SPPL2B: variants seen among roughly 807,000 people sequenced by gnomAD.
The protein encoded by SPPL2B is signal peptide peptidase like 2B.
Under a neutral mutation model 59.7 loss-of-function variants are expected in SPPL2B, and 39 were observed. The observed-to-expected ratio is 0.65, with a 90% CI of 0.51 to 0.85. SPPL2B has a LOEUF of 0.85. Ranked by LOEUF, SPPL2B falls within the 40% of genes least tolerant of loss-of-function variation. SPPL2B has a pLI of 0.00. For missense variants in SPPL2B, 865 were observed against 849.0 expected (o/e 1.02, Z -0.23); for synonymous variants, 419 against 370.8 (o/e 1.13, Z -1.49).
intron 1 of SPPL2B, among the ~76,000 whole-genome samples, chr19:2,330,021 A>C (rs1968197175): frequency 6.6e-6 from 1 of 152,044 alleles, no homozygotes; most frequent in Non-Finnish European, 1.5e-5. Flanking sequence ...GACATTTGGA[A>C]GGAGGGGGAA....
chr19:2,328,907 G>C (rs1432602957), intron 1 of SPPL2B, 132 bp downstream of exon 1: 8 of 793,550 alleles, frequency 1.0e-5, no homozygotes, highest in African/African-American at 5.5e-5. Context: ...CCGTCCCCGC[G>C]TTGTCGGCCG....
intron 8 of SPPL2B, chr19:2,341,246 C>G (rs1969029902): frequency 3.0e-6 from 2 of 675,032 alleles, no homozygotes; most frequent in Non-Finnish European, 5.4e-6. Flanking sequence ...GGAGGAGAGG[C>G]CGGAGCCCCT....
chr19:2,337,222 G>A, intron 2 of SPPL2B: 2 of 458,162 alleles, frequency 4.4e-6, no homozygotes, highest in Admixed American at 4.0e-5. Context: ...TGTCTGTGAG[G>A]ACTCCGGCCC....
chr19:2,340,238 G>A (rs1377422702), intron 7 of SPPL2B, 66 bp downstream of exon 7: 10 of 1,198,180 alleles, frequency 8.3e-6, no homozygotes, highest in African/African-American at 4.6e-5. Flanking sequence ...CCCCTTTGCC[G>A]CCCCATAGCC....
In SPPL2B at chr19:2,351,609, G is replaced by T; in HGVS notation, c.1515+15G>T. ...GCGGCTTTGCGGTGAATACCAGTTTGCTCTGACTGTGAGAAATACTCGCCT... is the reference window on the plus strand; with the variant it reads ...GCGGCTTTGCGGTGAATACCAGTTTTCTCTGACTGTGAGAAATACTCGCCT... On this transcript the variant is annotated intron_variant, in intron 14 of 14. Coordinates refer to ENST00000613503, the MANE Select transcript of SPPL2B (RefSeq NM_152988.3). 1.9e-6 allele frequency: 3 copies of T among 1,596,386 alleles called. No homozygotes were observed. Among genetic ancestry groups the T allele is most frequent in the Non-Finnish European group, 2.6e-6 (3 of 1,168,598 alleles).
chr19:2,337,278 G>A, intron 2 of SPPL2B, 165 bp from the exon 3 acceptor site: 1 of 591,820 alleles, frequency 1.7e-6, no homozygotes, highest in Non-Finnish European at 2.8e-6. Context: ...TCCGGCTGTG[G>A]GAGCTGCAGT....
intron 13 of SPPL2B, among the ~76,000 whole-genome samples, chr19:2,346,081 C>T (rs929036603): frequency 2.0e-5 from 3 of 152,206 alleles, no homozygotes; most frequent in Admixed American, 6.5e-5. Flanking sequence ...AACGTATTTA[C>T]GCAAAGTGCT....
chr19:2,348,994 T>G (rs375060055), intron 13 of SPPL2B, among the ~76,000 whole-genome samples: 1 of 109,980 alleles, frequency 9.1e-6, no homozygotes, highest in African/African-American at 3.8e-5. Flanking sequence ...CCACACACAC[T>G]CACGCTCTCA....
At chr19:2,330,845 G>A (rs1417315372) in intron 1 of SPPL2B, 1 of 152,392 alleles carries the variant, frequency 6.6e-6, no homozygotes, top group Non-Finnish European at 1.5e-5. Flanking sequence ...TTATCCGGAG[G>A]GTGGGGAGTC....
rs957800752 is a variant in SPPL2B at position 2,340,649 on chromosome 19, G to A, written c.840-249G>A. On this transcript the variant is annotated intron_variant, in intron 7 of 14. Coordinates refer to ENST00000613503, the MANE Select transcript of SPPL2B (RefSeq NM_152988.3). ...GTCTGGAGCAGGCAGGGCCTCGGGC[G>A]AAGGGGCGCAGCGCAGGCGAGGGGC... The A allele has an allele frequency of 1.1e-5, 6 of 570,162 alleles. No individual in the cohort carries two copies. The South Asian group carries it at 1.2e-4, about 12-fold the overall frequency. The allele number at this position is 570,162 out of a possible 1,614,324, so 35.3% of individuals were successfully genotyped here.
Position 2,345,155 on chromosome 19 carries a change from C to T in SPPL2B, c.1277-98C>T, listed in dbSNP as rs775258373. The T allele has an allele frequency of 1.7e-4, 156 of 923,788 alleles. 1 individual carries two copies. Among genetic ancestry groups the T allele is most frequent in the African/African-American group, 3.5e-4 (21 of 60,812 alleles). 57.2% of individuals were successfully genotyped at this position (923,788 alleles called of 1,614,324 possible). On this transcript the variant is annotated intron_variant, in intron 12 of 14. Transcript: ENST00000613503. ...CAGCCACCAGGCAGCGAGAGGCCCACGGCGCCCACAGGTGCTCAGGTGCCC... is the reference window on the plus strand; with the variant it reads ...CAGCCACCAGGCAGCGAGAGGCCCATGGCGCCCACAGGTGCTCAGGTGCCC...
At chr19:2,340,036 T>A in intron 6 of SPPL2B, 40 bp from the exon 7 acceptor site, 1 of 1,566,494 alleles carries the variant, frequency 6.4e-7, no homozygotes, top group Non-Finnish European at 8.6e-7. Flanking sequence ...GAGGGTGGCG[T>A]GCGGGCCTGG....
At chr19:2,340,261 A>G (rs753853535) in intron 7 of SPPL2B, 89 bp downstream of exon 7, 23 of 1,056,490 alleles carry the variant, frequency 2.2e-5, no homozygotes, top group African/African-American at 9.8e-5. Context: ...CCATGGTGCA[A>G]TATTGCTCAG....
chr19:2,336,146 CTG>C (rs1227924060), intron 2 of SPPL2B, among the ~76,000 whole-genome samples: 1 of 151,064 alleles, frequency 6.6e-6, no homozygotes, highest in Non-Finnish European at 1.5e-5. Flanking sequence ...GTCAGCACAC[CTG>C]TGTGTGTGAG....
At chr19:2,350,589 C>T (rs1969872539) in intron 13 of SPPL2B, among the ~76,000 whole-genome samples, 1 of 152,264 alleles carries the variant, frequency 6.6e-6, no homozygotes, top group Non-Finnish European at 1.5e-5. Flanking sequence ...GTGGATTTCA[C>T]TAGCTGTAGG....
At chr19:2,351,150 C>T (rs1969903224) in intron 13 of SPPL2B, among the ~76,000 whole-genome samples, 1 of 152,224 alleles carries the variant, frequency 6.6e-6, no homozygotes, top group African/African-American at 2.4e-5. Flanking sequence ...CCTGCAGCTG[C>T]CCGGACCCTG....
chr19:2,339,334 C>T (rs982678424), intron 5 of SPPL2B, 126 bp downstream of exon 5: 1 of 1,127,170 alleles, frequency 8.9e-7, no homozygotes, highest in Non-Finnish European at 1.2e-6. Flanking sequence ...CCCGTGGAGC[C>T]CTTCGTTTCT....
chr19:2,349,872 C>G (rs576255984), intron 13 of SPPL2B, among the ~76,000 whole-genome samples: 2 of 147,154 alleles, frequency 1.4e-5, no homozygotes, highest in South Asian at 4.3e-4. Flanking sequence ...ATTCCGTTCT[C>G]TCTCTCCACA....
chr19:2,342,986 C>T lies in SPPL2B; in HGVS notation c.957-225C>T. On this transcript the variant is annotated intron_variant, in intron 8 of 14. Coordinates refer to ENST00000613503, the MANE Select transcript of SPPL2B (RefSeq NM_152988.3). ...TGGTGGGCTCCTCTACCTGCTTCCG[C>T]AGGGTGGGCCCTGGGGTGGGGCCTG... 8.9e-6 allele frequency: 5 copies of T among 564,312 alleles called. No individual in the cohort carries two copies. The South Asian group carries it at 1.0e-4, about 12-fold the overall frequency. The allele number at this position is 564,312 out of a possible 1,614,324, so 35.0% of individuals were successfully genotyped here. A position where few individuals can be genotyped will look rare whatever the true frequency, so the allele number is the denominator to read the frequency against.
Sources: allele counts gnomAD v4.1 joint callset (sites outside exome capture counted in the v4.1 genomes callset), GRCh38; gene constraint gnomAD v4.1.1; transcripts MANE v1.5; gene names NCBI Gene and HGNC (gene_info 2026-07-23, HGNC 2026-07-21).